GALNTL6: variants seen among roughly 807,000 people sequenced by gnomAD.
GALNTL6 encodes polypeptide N-acetylgalactosaminyltransferase like 6, also known as polypeptide N-acetylgalactosaminyltransferase-like 6.
In GALNTL6, 46 loss-of-function variants were observed where a neutral mutation model predicts 73.7. The ratio of observed to expected loss-of-function variants is 0.62; its 90% CI spans 0.49 to 0.80. The LOEUF (loss-of-function observed/expected upper bound fraction) is 0.80. Ranked by LOEUF, GALNTL6 falls within the 30% of genes least tolerant of loss-of-function variation. The pLI is 0.00. For missense variants in GALNTL6, 604 were observed against 755.0 expected (o/e 0.80, Z 2.34); for synonymous variants, 259 against 263.7 (o/e 0.98, Z 0.17).
chr4:172,782,887 A>C (rs1374494524), intron 5 of GALNTL6, among the ~76,000 whole-genome samples: 2 of 152,130 alleles, frequency 1.3e-5, no homozygotes, highest in African/African-American at 2.4e-5. Flanking sequence ...AAAGAAGTAC[A>C]GTGATGAGGC....
chr4:172,844,402 T>C (rs543293955), intron 7 of GALNTL6, among the ~76,000 whole-genome samples: 25 of 152,334 alleles, frequency 1.6e-4, no homozygotes, highest in African/African-American at 5.5e-4. Context: ...GCTCAGAGAC[T>C]AAGTTATTGC....
At chr4:172,487,279 T>G (rs200727059) in intron 5 of GALNTL6, among the ~76,000 whole-genome samples, 1 of 95,720 alleles carries the variant, frequency 1.0e-5, no homozygotes, top group East Asian at 4.0e-4. Flanking sequence ...TTCCTCTTTC[T>G]TTCTTTCCTT....
chr4:172,722,731 T>C (rs1310430332), intron 5 of GALNTL6, among the ~76,000 whole-genome samples: 8 of 152,198 alleles, frequency 5.3e-5, no homozygotes, highest in Admixed American at 5.2e-4. Context: ...GGAAACAGTA[T>C]GCCTTGAACA....
At chr4:171,993,276 C>A (rs1383183927) in intron 2 of GALNTL6, among the ~76,000 whole-genome samples, 2 of 151,936 alleles carry the variant, frequency 1.3e-5, no homozygotes, top group African/African-American at 4.8e-5. Context: ...GTATGGAAAG[C>A]AAGGATCTTC....
At chr4:172,376,753 CG>C (rs1362457214) in intron 5 of GALNTL6, among the ~76,000 whole-genome samples, 1 of 152,088 alleles carries the variant, frequency 6.6e-6, no homozygotes, top group Non-Finnish European at 1.5e-5. Flanking sequence ...ATAGTCTCTT[CG>C]TGGTTGCCAA....
At chr4:171,877,275 GTGTAAA>G (rs772850719) in intron 2 of GALNTL6, among the ~76,000 whole-genome samples, 4 of 152,156 alleles carry the variant, frequency 2.6e-5, no homozygotes, top group Non-Finnish European at 5.9e-5. Context: ...TTCAAAATAT[GTGTAAA>G]TTTAGTCTTT....
chr4:172,176,815 C>G (rs1735018131), intron 2 of GALNTL6, among the ~76,000 whole-genome samples: 1 of 152,018 alleles, frequency 6.6e-6, no homozygotes, highest in South Asian at 2.1e-4. Flanking sequence ...AAAAAGTAGC[C>G]ATTTTCATGT....
intron 2 of GALNTL6, among the ~76,000 whole-genome samples, chr4:171,963,926 AAGATAG>A (rs1258222009): frequency 6.6e-6 from 1 of 152,178 alleles, no homozygotes; most frequent in Non-Finnish European, 1.5e-5. Context: ...AGAGTCTTGG[AAGATAG>A]AGATAGAATC....
chr4:172,711,556 A>G (rs934243208), intron 5 of GALNTL6, among the ~76,000 whole-genome samples: 5 of 152,166 alleles, frequency 3.3e-5, no homozygotes, highest in African/African-American at 1.2e-4. Flanking sequence ...TGAACAAGGT[A>G]GGGTTCCAGG....
chr4:173,016,054 G>T (rs982367706), intron 11 of GALNTL6, among the ~76,000 whole-genome samples: 1 of 152,244 alleles, frequency 6.6e-6, no homozygotes, highest in African/African-American at 2.4e-5. Flanking sequence ...CCAAGCCTTA[G>T]CACCTTCCAT....
chr4:172,821,714 C>T (rs1035845684), intron 7 of GALNTL6, among the ~76,000 whole-genome samples: 4 of 152,216 alleles, frequency 2.6e-5, no homozygotes, highest in South Asian at 4.2e-4. Flanking sequence ...TCCTAATCTA[C>T]AGAAGGTGAG....
chr4:172,893,975 G>T (rs913547475), intron 8 of GALNTL6, among the ~76,000 whole-genome samples: 3 of 152,114 alleles, frequency 2.0e-5, no homozygotes, highest in Non-Finnish European at 1.5e-5. Context: ...TTGGGAGCTG[G>T]TCCTCAGCAT....
chr4:172,719,176 C>T (rs902962645), intron 5 of GALNTL6, among the ~76,000 whole-genome samples: 6 of 152,174 alleles, frequency 3.9e-5, no homozygotes, highest in Non-Finnish European at 7.4e-5. Flanking sequence ...TTAGCCCTTT[C>T]TACTTTCATA....
chr4:172,257,714 A>T (rs184400686), intron 3 of GALNTL6, among the ~76,000 whole-genome samples: 1 of 151,338 alleles, frequency 6.6e-6, no homozygotes, highest in Non-Finnish European at 1.5e-5. Context: ...AAAGTAAAAT[A>T]ATAAAAAAGG....
intron 2 of GALNTL6, among the ~76,000 whole-genome samples, chr4:172,224,511 T>C (rs1275927792): frequency 2.0e-5 from 3 of 152,216 alleles, no homozygotes; most frequent in African/African-American, 7.2e-5. Context: ...GTTTCACAAA[T>C]GTGTATTTTT....
chr4:172,742,393 C>G (rs556085792), intron 5 of GALNTL6, among the ~76,000 whole-genome samples: 1 of 151,666 alleles, frequency 6.6e-6, no homozygotes, highest in African/African-American at 2.4e-5. Flanking sequence ...AAACCAATCA[C>G]CCCAGCCTGT....
chr4:172,737,620 T>C (rs921740776), intron 5 of GALNTL6, among the ~76,000 whole-genome samples: 1 of 152,232 alleles, frequency 6.6e-6, no homozygotes, highest in African/African-American at 2.4e-5. Context: ...AGTCAGTCAC[T>C]GGCTTTTTGA....
intron 2 of GALNTL6, among the ~76,000 whole-genome samples, chr4:172,012,292 G>A (rs1460791021): frequency 2.0e-5 from 3 of 152,184 alleles, no homozygotes; most frequent in African/African-American, 7.2e-5. Context: ...CACATCCTGA[G>A]AGCTCCCTTT....
chr4:172,982,879 G>T (rs1406439458), intron 10 of GALNTL6, among the ~76,000 whole-genome samples: 1 of 152,078 alleles, frequency 6.6e-6, no homozygotes, highest in Non-Finnish European at 1.5e-5. Flanking sequence ...AAGTAGCCAG[G>T]CACAGAGGGT....
Sources: gnomAD v4.1 joint callset for allele counts (sites outside exome capture counted in the v4.1 genomes callset) on GRCh38, gnomAD v4.1.1 for gene constraint, MANE v1.5 for transcripts, NCBI Gene and HGNC (gene_info 2026-07-23, HGNC 2026-07-21) for gene names.